PPP2R2B: variants seen among roughly 807,000 people sequenced by gnomAD.
PPP2R2B encodes the protein protein phosphatase 2 regulatory subunit Bbeta.
A neutral mutation model predicts 46.0 loss-of-function variants in PPP2R2B; 5 were observed. The observed-to-expected ratio is 0.11, with a 90% confidence interval of 0.06 to 0.23. The LOEUF (loss-of-function observed/expected upper bound fraction) is 0.23. PPP2R2B is among the 10% of genes least tolerant of loss of function. The probability of loss-of-function intolerance (pLI) is 1.00; values close to 1 mark genes in which losing one functional copy is unlikely to be tolerated. For missense variants in PPP2R2B, 367 were observed against 575.0 expected (o/e 0.64, Z 3.70); for synonymous variants, 215 against 206.7 (o/e 1.04, Z -0.34).
At chr5:146,727,694 A>G (rs1416438029) in intron 2 of PPP2R2B, among the ~76,000 whole-genome samples, 1 of 152,190 alleles carries the variant, frequency 6.6e-6, no homozygotes, top group Non-Finnish European at 1.5e-5. Context: ...ATTATAAAAA[A>G]TAAACAAAAT....
At chr5:146,719,266 A>G (rs1780657107) in intron 2 of PPP2R2B, among the ~76,000 whole-genome samples, 1 of 152,240 alleles carries the variant, frequency 6.6e-6, no homozygotes, top group Non-Finnish European at 1.5e-5. Context: ...AGAATTATGT[A>G]CATAAATTTA....
chr5:146,954,483 G>GAC (rs1433028908), intron 1 of PPP2R2B, among the ~76,000 whole-genome samples: 2 of 152,118 alleles, frequency 1.3e-5, no homozygotes, highest in Admixed American at 6.6e-5. Flanking sequence ...GCATAAGAAT[G>GAC]ACAGTGGACT....
intron 2 of PPP2R2B, among the ~76,000 whole-genome samples, chr5:146,715,340 C>T (rs1371800364): frequency 6.6e-6 from 1 of 152,174 alleles, no homozygotes; most frequent in African/African-American, 2.4e-5. Flanking sequence ...CTGAAATTAA[C>T]TAGCTATTGA....
At chr5:146,741,012 A>G (rs530739849) in intron 2 of PPP2R2B, among the ~76,000 whole-genome samples, 2 of 148,856 alleles carry the variant, frequency 1.3e-5, no homozygotes, top group African/African-American at 4.9e-5. Flanking sequence ...ACTCTAGCCA[A>G]GCGACAGAGC....
chr5:146,602,095 C>G (rs1373034501), intron 7 of PPP2R2B, among the ~76,000 whole-genome samples: 1 of 152,208 alleles, frequency 6.6e-6, no homozygotes, highest in East Asian at 1.9e-4. Context: ...TCATCTACTA[C>G]ATATTATTTC....
chr5:146,742,096 T>A (rs553224844), intron 2 of PPP2R2B, among the ~76,000 whole-genome samples: 1 of 152,176 alleles, frequency 6.6e-6, no homozygotes, highest in East Asian at 1.9e-4. Context: ...GAAAATGTTA[T>A]GTATGTGTCA....
chr5:146,674,389 T>C (rs1777573592), intron 5 of PPP2R2B, among the ~76,000 whole-genome samples: 1 of 152,144 alleles, frequency 6.6e-6, no homozygotes, highest in Non-Finnish European at 1.5e-5. Flanking sequence ...TATTACACAA[T>C]AAGTAGAAAT....
chr5:147,006,248 G>A (rs921799669), intron 1 of PPP2R2B, among the ~76,000 whole-genome samples: 1 of 152,146 alleles, frequency 6.6e-6, no homozygotes, highest in Non-Finnish European at 1.5e-5. Context: ...CTGCTCAAAC[G>A]TGGGAGTTGT....
intron 2 of PPP2R2B, among the ~76,000 whole-genome samples, chr5:146,739,040 G>C (rs1260269123): frequency 2.0e-5 from 3 of 151,292 alleles, no homozygotes; most frequent in South Asian, 4.2e-4. Flanking sequence ...TTTTTTAAGA[G>C]ACAGGATCTC....
intron 7 of PPP2R2B, among the ~76,000 whole-genome samples, chr5:146,604,450 A>G (rs1279413052): frequency 6.6e-6 from 1 of 152,150 alleles, no homozygotes; most frequent in African/African-American, 2.4e-5. Flanking sequence ...ACCAGAAAAT[A>G]GAGACATTGA....
chr5:146,807,954 C>A (rs1475346375), intron 2 of PPP2R2B, among the ~76,000 whole-genome samples: 1 of 151,746 alleles, frequency 6.6e-6, no homozygotes, highest in Admixed American at 6.6e-5. Flanking sequence ...TGCCTACCAC[C>A]ACGCCCAGCT....
At chr5:146,885,517 A>G (rs1762293592) in intron 1 of PPP2R2B, among the ~76,000 whole-genome samples, 1 of 152,222 alleles carries the variant, frequency 6.6e-6, no homozygotes, top group Non-Finnish European at 1.5e-5. Flanking sequence ...CAAATCCTAC[A>G]TTGCTTCTGG....
At chr5:147,080,295 C>T (rs143203348) in intron 2 of PPP2R2B, among the ~76,000 whole-genome samples, 7 of 152,276 alleles carry the variant, frequency 4.6e-5, no homozygotes, top group Admixed American at 1.3e-4. Context: ...TGTTATACCA[C>T]ATCTGGAATC....
At chr5:146,876,675 G>A (rs892987741) in intron 2 of PPP2R2B, among the ~76,000 whole-genome samples, 2 of 152,188 alleles carry the variant, frequency 1.3e-5, no homozygotes, top group Admixed American at 6.5e-5. Context: ...CCATCTCTAA[G>A]CTCCTGGAAG....
chr5:147,037,732 A>G (rs6880992), intron 1 of PPP2R2B, among the ~76,000 whole-genome samples: 108,757 of 151,946 alleles, frequency 0.72, 39,452 homozygotes, highest in South Asian at 0.8. Flanking sequence ...AGCATTTCCT[A>G]ACTGCCCACT....
intron 1 of PPP2R2B, among the ~76,000 whole-genome samples, chr5:147,021,209 AAAAC>A (rs1755246948): frequency 6.6e-6 from 1 of 152,178 alleles, no homozygotes; most frequent in Non-Finnish European, 1.5e-5. Flanking sequence ...CTAGAAAAGG[AAAAC>A]AAACAGACTT....
At chr5:146,812,769 ATGTG>A (rs199567203) in intron 2 of PPP2R2B, among the ~76,000 whole-genome samples, 26 of 36,296 alleles carry the variant, frequency 7.2e-4, no homozygotes, top group African/African-American at 2.6e-3. Context: ...GAGTTACTTA[ATGTG>A]TGTGTGTGTG....
chr5:146,955,910 C>G (rs905283725), intron 1 of PPP2R2B, among the ~76,000 whole-genome samples: 1 of 151,128 alleles, frequency 6.6e-6, no homozygotes, highest in East Asian at 2.0e-4. Flanking sequence ...TCCTGAGTAG[C>G]TGGGATTACA....
At chr5:146,680,944 C>G (rs1027076802) in intron 5 of PPP2R2B, among the ~76,000 whole-genome samples, 3 of 152,168 alleles carry the variant, frequency 2.0e-5, no homozygotes, top group Non-Finnish European at 4.4e-5. Flanking sequence ...GTAGTTTTCT[C>G]CAACCAAGAT....
Sources: allele counts gnomAD v4.1 joint callset (sites outside exome capture counted in the v4.1 genomes callset), GRCh38; gene constraint gnomAD v4.1.1; transcripts MANE v1.5; gene names NCBI Gene and HGNC (gene_info 2026-07-23, HGNC 2026-07-21).